ZNF385D: variants seen among roughly 807,000 people sequenced by gnomAD.
The protein encoded by ZNF385D is zinc finger protein 659.
A neutral mutation model predicts 35.8 loss-of-function variants in ZNF385D; 15 were observed. The observed-to-expected ratio is 0.42, with a 90% confidence interval of 0.28 to 0.64. ZNF385D has a LOEUF of 0.64. Among genes scored for constraint, ZNF385D ranks in the 30% least tolerant of loss-of-function variants. ZNF385D has a pLI of 0.23. For missense variants in ZNF385D, 474 were observed against 494.6 expected, an observed-to-expected ratio of 0.96 and a Z score of 0.39; for synonymous variants, 212 against 186.8, an observed-to-expected ratio of 1.13 and a Z score of -1.10.
intron 3 of ZNF385D, among the ~76,000 whole-genome samples, chr3:21,549,930 C>G (rs1283044453): frequency 1.3e-5 from 2 of 152,156 alleles, no homozygotes; most frequent in African/African-American, 4.8e-5. Context: ...ACAGTTTTGA[C>G]AGGGACAATT....
intron 2 of ZNF385D, among the ~76,000 whole-genome samples, chr3:22,215,142 G>T (rs956147765): frequency 6.6e-6 from 1 of 151,838 alleles, no homozygotes; most frequent in African/African-American, 2.4e-5. Flanking sequence ...CTGATATCTA[G>T]CTGAATTTTC....
intron 2 of ZNF385D, among the ~76,000 whole-genome samples, chr3:21,652,321 A>G (rs1338470081): frequency 6.6e-6 from 1 of 152,204 alleles, no homozygotes; most frequent in African/African-American, 2.4e-5. Flanking sequence ...CATAAAGACC[A>G]CAGACCTGGG....
At chr3:22,040,643 G>C (rs1215324999) in intron 3 of ZNF385D, among the ~76,000 whole-genome samples, 3 of 152,182 alleles carry the variant, frequency 2.0e-5, no homozygotes, top group South Asian at 2.1e-4. Flanking sequence ...ACATGGTAAA[G>C]AATTATGGGA....
intron 2 of ZNF385D, among the ~76,000 whole-genome samples, chr3:21,599,664 A>G (rs891723555): frequency 1.1e-4 from 16 of 152,218 alleles, no homozygotes; most frequent in African/African-American, 2.7e-4. Flanking sequence ...ATAAGCTGAT[A>G]AGAAGTTACT....
At chr3:21,618,285 G>A (rs545626555) in intron 2 of ZNF385D, among the ~76,000 whole-genome samples, 188 of 90,210 alleles carry the variant, frequency 2.1e-3, no homozygotes, top group Non-Finnish European at 3.8e-3. Flanking sequence ...CAGAAAAGAT[G>A]GCCATGTGAA....
intron 3 of ZNF385D, among the ~76,000 whole-genome samples, chr3:21,789,268 A>G (rs1024582520): frequency 6.6e-6 from 1 of 152,192 alleles, no homozygotes; most frequent in Non-Finnish European, 1.5e-5. Flanking sequence ...GAAATTTGAG[A>G]TATACTGCCT....
At chr3:21,569,389 GC>G (rs2063255003) in intron 2 of ZNF385D, among the ~76,000 whole-genome samples, 1 of 150,186 alleles carries the variant, frequency 6.7e-6, no homozygotes, top group African/African-American at 2.5e-5. Context: ...TGCAACCCCT[GC>G]CTTTTTTTGT....
chr3:21,519,897 G>A (rs1707804176), intron 3 of ZNF385D, among the ~76,000 whole-genome samples: 1 of 152,126 alleles, frequency 6.6e-6, no homozygotes, highest in South Asian at 2.1e-4. Context: ...CTCTAATTAT[G>A]TTCAAAGATC....
intron 3 of ZNF385D, among the ~76,000 whole-genome samples, chr3:21,875,681 C>A (rs1473935231): frequency 2.0e-5 from 3 of 152,092 alleles, no homozygotes; most frequent in Non-Finnish European, 4.4e-5. Context: ...ACTTCTCCCT[C>A]AACCAGCTCA....
intron 3 of ZNF385D, among the ~76,000 whole-genome samples, chr3:22,090,101 G>C (rs1195455169): frequency 1.3e-5 from 2 of 152,116 alleles, no homozygotes; most frequent in Admixed American, 6.6e-5. Flanking sequence ...GCCTCCCAAA[G>C]TGCTGATATT....
At chr3:21,573,723 CA>C (rs5847114) in intron 2 of ZNF385D, among the ~76,000 whole-genome samples, 69,125 of 151,842 alleles carry the variant, frequency 0.46, 15,718 homozygotes, top group African/African-American at 0.51. Flanking sequence ...GCCTAGTCAA[CA>C]AAGAAAGTAG....
At chr3:21,457,920 G>GA (rs1702920058) in intron 4 of ZNF385D, among the ~76,000 whole-genome samples, 2 of 152,020 alleles carry the variant, frequency 1.3e-5, no homozygotes, top group South Asian at 4.2e-4. Context: ...GCTGTGCCAG[G>GA]AATTATATCA....
At chr3:21,949,274 G>A (rs1049270533) in intron 3 of ZNF385D, among the ~76,000 whole-genome samples, 2 of 152,128 alleles carry the variant, frequency 1.3e-5, no homozygotes, top group Non-Finnish European at 2.9e-5. Flanking sequence ...ATGACATGGT[G>A]TCCTTTTAGA....
At chr3:21,555,921 G>T (rs1344174243) in intron 3 of ZNF385D, among the ~76,000 whole-genome samples, 1 of 151,646 alleles carries the variant, frequency 6.6e-6, no homozygotes, top group Non-Finnish European at 1.5e-5. Context: ...GGTGTGAGAT[G>T]GTATCTCATT....
At chr3:21,690,781 TGAATATTAGGCCTA>T (rs1269342467) in intron 1 of ZNF385D, among the ~76,000 whole-genome samples, 1 of 152,178 alleles carries the variant, frequency 6.6e-6, no homozygotes, top group East Asian at 1.9e-4. Context: ...TCAGAAACTC[TGAATATTAGGCCTA>T]GTAATGTGTG....
chr3:21,713,683 C>G (rs1344433383), intron 1 of ZNF385D, among the ~76,000 whole-genome samples: 1 of 152,110 alleles, frequency 6.6e-6, no homozygotes, highest in Non-Finnish European at 1.5e-5. Flanking sequence ...ACCCATAGTC[C>G]ATATGTCCAG....
chr3:21,479,490 C>G (rs1057421310), intron 4 of ZNF385D, among the ~76,000 whole-genome samples: 1 of 151,990 alleles, frequency 6.6e-6, no homozygotes, highest in Non-Finnish European at 1.5e-5. Context: ...GAGTAGATTT[C>G]TTTAAAAGAT....
intron 3 of ZNF385D, among the ~76,000 whole-genome samples, chr3:21,994,543 C>G (rs1695345806): frequency 2.0e-5 from 3 of 151,780 alleles, no homozygotes; most frequent in Admixed American, 6.6e-5. Context: ...ATAGATTTCT[C>G]TTTCATTGGA....
At chr3:21,783,953 G>T (rs1037344053) in intron 3 of ZNF385D, among the ~76,000 whole-genome samples, 1 of 152,134 alleles carries the variant, frequency 6.6e-6, no homozygotes, top group Non-Finnish European at 1.5e-5. Flanking sequence ...CTTCCAGAAA[G>T]AAAGTTGTGG....
Sources: gnomAD v4.1 joint callset for allele counts (sites outside exome capture counted in the v4.1 genomes callset) on GRCh38, gnomAD v4.1.1 for gene constraint, MANE v1.5 for transcripts, NCBI Gene and HGNC (gene_info 2026-07-23, HGNC 2026-07-21) for gene names.